SREBF2: variants seen among roughly 807,000 people sequenced by gnomAD.
The protein encoded by SREBF2 is sterol regulatory element binding transcription factor 2, also known as sterol regulatory element-binding protein 2.
In SREBF2, 55 loss-of-function variants were observed where a neutral mutation model predicts 113.1. The observed-to-expected ratio is 0.49, with a 90% CI of 0.39 to 0.61. SREBF2 has a LOEUF of 0.61. SREBF2 is among the 20% of genes least tolerant of loss of function. SREBF2 has a pLI of 0.00. For missense variants in SREBF2, 1,349 were observed against 1,487.4 expected, an observed-to-expected ratio of 0.91 and a Z score of 1.53; for synonymous variants, 593 against 605.7, an observed-to-expected ratio of 0.98 and a Z score of 0.31.
chr22:41,884,619 G>A (rs1050594501), intron 10 of SREBF2, among the ~76,000 whole-genome samples: 1 of 152,198 alleles, frequency 6.6e-6, no homozygotes, highest in African/African-American at 2.4e-5. Flanking sequence ...GGGTGTGACA[G>A]AAATGGGTGC....
At chr22:41,842,815 C>A (rs942330744) in intron 1 of SREBF2, among the ~76,000 whole-genome samples, 6 of 152,152 alleles carry the variant, frequency 3.9e-5, no homozygotes, top group Non-Finnish European at 8.8e-5. Flanking sequence ...TGGTGAAACC[C>A]TGTCTCGACT....
At chr22:41,863,677 A>G (rs1224698046) in intron 1 of SREBF2, among the ~76,000 whole-genome samples, 4 of 152,152 alleles carry the variant, frequency 2.6e-5, no homozygotes, top group African/African-American at 9.7e-5. Context: ...CTGAGTGAGG[A>G]CAGAGCTTAG....
intron 2 of SREBF2, among the ~76,000 whole-genome samples, chr22:41,868,022 A>G (rs1416374115): frequency 1.3e-5 from 2 of 152,216 alleles, no homozygotes; most frequent in Non-Finnish European, 1.5e-5. Context: ...AGCAAGCCTC[A>G]TGCTGGGCCC....
At chr22:41,902,389 A>G (rs2077472249) in intron 16 of SREBF2, among the ~76,000 whole-genome samples, 1 of 152,196 alleles carries the variant, frequency 6.6e-6, no homozygotes, top group African/African-American at 2.4e-5. Context: ...TGAGGCTCAG[A>G]GAGACTAAGT....
intron 1 of SREBF2, among the ~76,000 whole-genome samples, chr22:41,863,740 T>C (rs2077045436): frequency 6.6e-6 from 1 of 152,200 alleles, no homozygotes; most frequent in African/African-American, 2.4e-5. Context: ...TCTGGTGAGA[T>C]GCTGTTTTTC....
At chr22:41,852,772 GTTTTGCTCT>G (rs1486198337) in intron 1 of SREBF2, among the ~76,000 whole-genome samples, 10 of 41,370 alleles carry the variant, frequency 2.4e-4, no homozygotes, top group East Asian at 9.4e-4. Context: ...GGTAGATGGA[GTTTTGCTCT>G]TTTTGCTCTT....
chr22:41,843,355 G>C (rs2076846254), intron 1 of SREBF2, among the ~76,000 whole-genome samples: 1 of 152,192 alleles, frequency 6.6e-6, no homozygotes, highest in African/African-American at 2.4e-5. Flanking sequence ...TTTTGTACTG[G>C]GCTCCAGGTT....
In SREBF2 at chr22:41,904,848, C is replaced by A; in HGVS notation, c.3094-15C>A. On this transcript the variant is annotated splice_polypyrimidine_tract_variant and intron_variant, in intron 17 of 18. Transcript: ENST00000361204. ...GACCAGGGGTGTGATGGATGTCACC[C>A]CGGCACCTCCCCAGGTGTTCCTGCA... 1 of 1,569,798 alleles carries A rather than the reference C, an allele frequency of 6.4e-7. No homozygotes were observed. The highest frequency in any genetic ancestry group is 8.6e-7 in the Non-Finnish European group (1 of 1,158,142).
intron 1 of SREBF2, among the ~76,000 whole-genome samples, chr22:41,837,414 C>T (rs1290853399): frequency 4.0e-5 from 6 of 151,642 alleles, no homozygotes; most frequent in East Asian, 1.9e-4. Flanking sequence ...AAAAATTAGC[C>T]GGGCATGGTG....
chr22:41,883,974 G>A (rs1016397550), intron 10 of SREBF2, among the ~76,000 whole-genome samples: 1 of 152,190 alleles, frequency 6.6e-6, no homozygotes, highest in Non-Finnish European at 1.5e-5. Flanking sequence ...CTGATTAGGG[G>A]ATCAGCCCCA....
intron 14 of SREBF2, 126 bp from the exon 15 acceptor site, chr22:41,898,523 C>CT: frequency 1.0e-5 from 13 of 1,284,270 alleles, no homozygotes; most frequent in Non-Finnish European, 1.4e-5. Context: ...AGCCCAGAGG[C>CT]TGCTGGCCCG....
intron 10 of SREBF2, among the ~76,000 whole-genome samples, chr22:41,882,598 G>A (rs2077257814): frequency 6.6e-6 from 1 of 152,196 alleles, no homozygotes; most frequent in Non-Finnish European, 1.5e-5. Context: ...CTGAGGTCAG[G>A]AGTTCGAGAC....
Position 41,898,688 on chromosome 22 carries a change from C to T in SREBF2, c.2645C>T (p.Thr882Ile), listed in dbSNP as rs1443221123. 1.2e-6 allele frequency: 2 copies of T among 1,614,062 alleles called. No homozygotes were observed. The highest frequency in any genetic ancestry group is 2.2e-5 in the South Asian group (2 of 91,056). Residue 882 changes from threonine to isoleucine, a missense_variant, in exon 15 of 19, where the codon ACT becomes ATT. Physicochemically the swap from Thr to Ile is moderately conservative, Grantham distance 89 (BLOSUM62 -1). This residue lies in a region of SREBF2 where 650 missense variants were observed against 644.1 expected (regional missense o/e 1.01). Coordinates refer to ENST00000361204, the MANE Select transcript of SREBF2 (RefSeq NM_004599.4). Reference protein sequence around the residue: ...IICRWWTSAITVAISWLQGDD... With the variant: ...IICRWWTSAIIVAISWLQGDD... ...TGTCGGTGGTGGACGTCTGCAATCA[C>T]TGTGGCCATCAGCTGGCTCCAGGGA...
intron 10 of SREBF2, among the ~76,000 whole-genome samples, chr22:41,881,604 T>C (rs991231982): frequency 2.0e-5 from 3 of 152,112 alleles, no homozygotes; most frequent in African/African-American, 7.2e-5. Context: ...CCACCTGGGG[T>C]GGCTCTTGAG....
rs998067076 is a variant in SREBF2, at chr22:41,834,258, A to G, written c.88+900A>G. Among the ~76,000 whole-genome samples, 8 of 152,290 alleles carry G rather than the reference A, an allele frequency of 5.3e-5. No individual in the cohort carries two copies. The East Asian group carries it at 1.5e-3, about 29-fold the overall frequency. ...TACCCCTCCTTTCAAGAAAGAGTCCAGTTGACTAGGCTAGTAATCTTATTA... is the reference window on the plus strand; with the variant it reads ...TACCCCTCCTTTCAAGAAAGAGTCCGGTTGACTAGGCTAGTAATCTTATTA... On this transcript the variant is annotated intron_variant, in intron 1 of 18. Coordinates refer to ENST00000361204, the MANE Select transcript of SREBF2 (RefSeq NM_004599.4).
chr22:41,885,053 A>G (rs1383857221), intron 11 of SREBF2, 42 bp downstream of exon 11: 6 of 1,610,236 alleles, frequency 3.7e-6, no homozygotes, highest in Non-Finnish European at 3.4e-6. Flanking sequence ...TCCCCTGAGC[A>G]CTTACCTAGC....
intron 7 of SREBF2, among the ~76,000 whole-genome samples, chr22:41,876,834 C>T (rs1046196626): frequency 5.3e-5 from 8 of 152,170 alleles, no homozygotes; most frequent in Non-Finnish European, 1.2e-4. Flanking sequence ...TACACCTTTG[C>T]AGGTAGTTTC....
At position 41,905,978 on chromosome 22, in the gene SREBF2, G is replaced by A; in HGVS notation, c.*318G>A. 1.7e-6 allele frequency: 1 copy of A among 584,252 alleles called. No individual in the cohort carries two copies. Among genetic ancestry groups the A allele is most frequent in the South Asian group, 1.5e-5 (1 of 65,692 alleles). The allele number at this position is 584,252 out of a possible 1,614,324, so 36.2% of individuals were successfully genotyped here. The stretch of plus-strand genomic sequence containing the variant: ...CAGCCTTCCTGAGTTTCTCTCTCCT[G>A]AACCCTACTCTCTCCTTTTTGCTTC... On this transcript the variant is annotated 3_prime_UTR_variant, in exon 19 of 19. Transcript: ENST00000361204.
At chr22:41,839,342 T>A (rs953811787) in intron 1 of SREBF2, among the ~76,000 whole-genome samples, 5 of 151,162 alleles carry the variant, frequency 3.3e-5, no homozygotes, top group African/African-American at 1.2e-4. Flanking sequence ...TTGAAGAGAG[T>A]CACTGCTGAG....
Sources: gnomAD v4.1 joint callset for allele counts (sites outside exome capture counted in the v4.1 genomes callset) on GRCh38, gnomAD v4.1.1 for gene constraint, gnomAD v4.1.1 regional missense constraint, MANE v1.5 for transcripts, NCBI Gene and HGNC (gene_info 2026-07-23, HGNC 2026-07-21) for gene names.